DHX9: variants seen among roughly 807,000 people sequenced by gnomAD.
The protein encoded by DHX9 is DExH-box helicase 9, also known as ATP-dependent RNA helicase A.
A neutral mutation model predicts 148.7 loss-of-function variants in DHX9; 27 were observed. That is an observed-to-expected ratio of 0.18 (90% CI 0.13 to 0.25). The LOEUF (loss-of-function observed/expected upper bound fraction) is 0.25. Ranked by LOEUF, DHX9 falls within the 10% of genes least tolerant of loss-of-function variation. The pLI is 1.00. For missense variants in DHX9, 796 were observed against 1,559.6 expected, an observed-to-expected ratio of 0.51 and a Z score of 8.25; for synonymous variants, 529 against 516.6, an observed-to-expected ratio of 1.02 and a Z score of -0.33.
chr1:182,853,208 A>G, intron 4 of DHX9, 98 bp from the exon 5 acceptor site: 1 of 829,742 alleles, frequency 1.2e-6, no homozygotes, highest in South Asian at 1.7e-5. Context: ...TACAGATGTG[A>G]GCCTCCATGC....
chr1:182,853,362 C>A lies in DHX9; in HGVS notation c.421C>A (p.Arg141=), dbSNP rs751808191. ...TGGTGTTCCTGGGCCCACCTGGGAC[C>A]GAGGAGCCAACTTGAAGGATTACTA... ...GYGVPGPTWD[R]GANLKDYYSR... The change falls in exon 5 of 28, where the codon CGA becomes AGA. Residue 141 remains arginine, a synonymous_variant. Coordinates refer to ENST00000367549, the MANE Select transcript of DHX9 (RefSeq NM_001357.5). The A allele has an allele frequency of 2.7e-5, 44 of 1,613,694 alleles. No individual in the cohort carries two copies. Among genetic ancestry groups the A allele is most frequent in the Non-Finnish European group, 3.3e-5 (39 of 1,179,932 alleles).
In DHX9 at chr1:182,876,160, G is replaced by C; in HGVS notation, c.1926G>C (p.Lys642Asn). Reference protein sequence around the residue: ...TPFELIEALLKYIETLNVPGA... With the variant: ...TPFELIEALLNYIETLNVPGA... ...TTGAACTCATCGAGGCTCTACTTAA[G>C]TACATTGAAACCCTTAATGTTCCTG... Residue 642 changes from lysine (K) to asparagine (N), a missense_variant, in exon 17 of 28, where the codon AAG (lysine) becomes AAC (asparagine). By Grantham distance (94) the Lys-to-Asn change is moderately conservative. Coordinates refer to ENST00000367549, the MANE Select transcript of DHX9 (RefSeq NM_001357.5). 2 of 1,613,978 alleles carry C rather than the reference G, an allele frequency of 1.2e-6. No homozygotes were observed. The highest frequency in any genetic ancestry group is 8.5e-7 in the Non-Finnish European group (1 of 1,179,896).
In DHX9 at chr1:182,859,001, T is replaced by C. The variant is rs772858703; in HGVS notation, c.1063-39T>C. On this transcript the variant is annotated intron_variant, in intron 10 of 27. Coordinates refer to ENST00000367549, the MANE Select transcript of DHX9 (RefSeq NM_001357.5). ...ATGGATTTATTTTGAAGCTGAATTA[T>C]GTGCTTTTGTTTGACTATGTTGGCT... is the stretch of plus-strand genomic sequence containing the variant. 5.0e-6 allele frequency: 8 copies of C among 1,612,040 alleles called. No homozygotes were observed. The Admixed American group carries it at 8.4e-5, about 17-fold the overall frequency.
chr1:182,843,187 C>T (rs1362815169), intron 2 of DHX9, 107 bp from the exon 3 acceptor site: 2 of 729,052 alleles, frequency 2.7e-6, no homozygotes, highest in Admixed American at 4.1e-5. Flanking sequence ...GAGTATATTT[C>T]CTAAAGTTAG....
At chr1:182,867,703 T>C (rs1648363844) in intron 14 of DHX9, among the ~76,000 whole-genome samples, 1 of 152,176 alleles carries the variant, frequency 6.6e-6, no homozygotes, top group Non-Finnish European at 1.5e-5. Context: ...GTGCCCAACC[T>C]ATAATGTTTA....
chr1:182,850,866 AT>A (rs1668130719), intron 3 of DHX9, among the ~76,000 whole-genome samples: 1 of 152,170 alleles, frequency 6.6e-6, no homozygotes, highest in Non-Finnish European at 1.5e-5. Context: ...ATTTTAATTG[AT>A]TTTGAAATGT....
chr1:182,858,931 G>A (rs984272991), intron 10 of DHX9, 37 bp downstream of exon 10: 2 of 1,612,292 alleles, frequency 1.2e-6, no homozygotes, highest in Middle Eastern at 1.7e-4. Flanking sequence ...AGAGTCTTGT[G>A]TTTTACTCTT....
chr1:182,848,843 C>G (rs2102591989), intron 3 of DHX9, among the ~76,000 whole-genome samples: 1 of 152,252 alleles, frequency 6.6e-6, no homozygotes, highest in Admixed American at 6.5e-5. Context: ...CAGGGATGTC[C>G]TACATAGCAG....
At chr1:182,880,425 T>TTA in intron 21 of DHX9, 72 bp from the exon 22 acceptor site, 5 of 1,012,750 alleles carry the variant, frequency 4.9e-6, no homozygotes, top group Non-Finnish European at 7.7e-6. Context: ...TAACCTTAAT[T>TTA]TAGAGTAATG....
intron 4 of DHX9, among the ~76,000 whole-genome samples, chr1:182,852,747 GTTA>G (rs759107040): frequency 1.1e-3 from 166 of 152,144 alleles, no homozygotes; most frequent in Admixed American, 2.7e-3. Context: ...TTCCTTCAAT[GTTA>G]TTATCTTACA....
rs78441445 is a variant in DHX9, at chr1:182,872,178, T to C, written c.1558-159T>C. 2.0e-5 allele frequency among the ~76,000 whole-genome samples: 3 copies of C among 152,356 alleles called. No homozygotes were observed. The East Asian group carries it at 5.8e-4, about 29-fold the overall frequency. On this transcript the variant is annotated intron_variant, in intron 14 of 27. Coordinates refer to ENST00000367549, the MANE Select transcript of DHX9 (RefSeq NM_001357.5). ...AAAATTGTTATTGTTATCTTAAAAA[T>C]TGATAAAAGATCCATTGTGGTCCTT...
intron 3 of DHX9, among the ~76,000 whole-genome samples, chr1:182,851,740 C>T (rs528247571): frequency 6.6e-6 from 1 of 152,254 alleles, no homozygotes; most frequent in Admixed American, 6.5e-5. Flanking sequence ...TGTAATTAAA[C>T]TTTCTTAATA....
intron 24 of DHX9, 125 bp downstream of exon 24, chr1:182,881,772 TTC>T: frequency 9.7e-7 from 1 of 1,026,946 alleles, no homozygotes; most frequent in Admixed American, 3.1e-5. Flanking sequence ...TCCCGACTAT[TTC>T]TTAGTTCTCG....
chr1:182,867,120 C>A (rs1648326842), intron 14 of DHX9, 77 bp downstream of exon 14: 2 of 877,142 alleles, frequency 2.3e-6, no homozygotes, highest in South Asian at 2.6e-5. Context: ...TCTTTGTTTT[C>A]CCTTTCCCCC....
At chr1:182,840,997 T>C (rs978483446) in intron 1 of DHX9, among the ~76,000 whole-genome samples, 2 of 152,008 alleles carry the variant, frequency 1.3e-5, no homozygotes, top group Admixed American at 6.6e-5. Context: ...TTTTGGACTT[T>C]AAAGAGAAAC....
intron 3 of DHX9, among the ~76,000 whole-genome samples, chr1:182,850,802 A>C (rs1471212519): frequency 2.0e-5 from 3 of 152,310 alleles, no homozygotes; most frequent in African/African-American, 7.2e-5. Flanking sequence ...ACTCTTCCTT[A>C]GGCAGAGCCA....
At chr1:182,857,745 A>G (rs529400630) in intron 7 of DHX9, among the ~76,000 whole-genome samples, 7 of 152,180 alleles carry the variant, frequency 4.6e-5, no homozygotes, top group African/African-American at 7.2e-5. Context: ...TCTGGACCCA[A>G]TTACTTTTAC....
intron 3 of DHX9, among the ~76,000 whole-genome samples, chr1:182,849,434 A>G (rs1268659697): frequency 5.3e-5 from 8 of 152,226 alleles, no homozygotes; most frequent in Non-Finnish European, 1.2e-4. Context: ...AATCAAACCT[A>G]AAAGAAAAAT....
At chr1:182,865,836 G>A (rs1052781890) in intron 12 of DHX9, among the ~76,000 whole-genome samples, 1 of 152,180 alleles carries the variant, frequency 6.6e-6, no homozygotes, top group Non-Finnish European at 1.5e-5. Context: ...CACTTCAGAA[G>A]AGTTTTCATA....
Sources: gnomAD v4.1 joint callset for allele counts (sites outside exome capture counted in the v4.1 genomes callset) on GRCh38, gnomAD v4.1.1 for gene constraint, MANE v1.5 for transcripts, NCBI Gene and HGNC (gene_info 2026-07-23, HGNC 2026-07-21) for gene names.